The following CALN1 variants were observed in gnomAD, a reference collection of about 807,000 sequenced individuals.
CALN1 encodes calneuron 1.
CALN1 carries 17 observed loss-of-function variants against 30.6 expected under a neutral mutation model. The ratio of observed to expected loss-of-function variants is 0.56; its 90% CI spans 0.38 to 0.83. The LOEUF (loss-of-function observed/expected upper bound fraction) is 0.83, where lower values mean the gene tolerates loss of function less well. CALN1 is among the 40% of genes least tolerant of loss of function. CALN1 has a pLI of 0.00. For missense variants in CALN1, 291 were observed against 354.9 expected, an observed-to-expected ratio of 0.82 and a Z score of 1.45; for synonymous variants, 156 against 131.4, an observed-to-expected ratio of 1.19 and a Z score of -1.28.
intron 3 of CALN1, among the ~76,000 whole-genome samples, chr7:72,217,836 T>A: frequency 3.5e-5 from 2 of 57,620 alleles, no homozygotes; most frequent in South Asian, 7.6e-4. Flanking sequence ...AAATAAATTT[T>A]TTTTTTTTTT....
chr7:72,231,816 G>A (rs1397876064), intron 3 of CALN1, among the ~76,000 whole-genome samples: 1 of 152,170 alleles, frequency 6.6e-6, no homozygotes, highest in Admixed American at 6.5e-5. Context: ...GCTGTGGAAT[G>A]CCTGGGCTGT....
rs117669028 is a variant in CALN1, at chr7:71,943,051, T to C, written c.501+80606A>G. The stretch of plus-strand genomic sequence containing the variant: ...CCAATGTACTTCTTACATAAATTGA[T>C]TGGTGTCTCATGTCTCCCTAAATGG... On this transcript the variant is annotated intron_variant, in intron 5 of 6. Transcript: ENST00000395275. Among the ~76,000 whole-genome samples the C allele has an allele frequency of 3.9e-3, 599 of 152,328 alleles. 6 individuals carry two copies. Among genetic ancestry groups the C allele is most frequent in the East Asian group, 0.024 (124 of 5,182 alleles).
intron 3 of CALN1, among the ~76,000 whole-genome samples, chr7:72,115,979 G>T (rs1348870414): frequency 1.3e-5 from 2 of 151,904 alleles, no homozygotes; most frequent in East Asian, 3.9e-4. Context: ...TCCATCCATG[G>T]TCCTGCAAAT....
At chr7:72,146,313 G>A (rs201539616) in intron 3 of CALN1, among the ~76,000 whole-genome samples, 1 of 152,036 alleles carries the variant, frequency 6.6e-6, no homozygotes, top group African/African-American at 2.4e-5. Flanking sequence ...TCACAAGCAT[G>A]CTTATACACC....
At chr7:71,846,907 T>C (rs867348176) in intron 5 of CALN1, among the ~76,000 whole-genome samples, 147 of 146,590 alleles carry the variant, frequency 1.0e-3, no homozygotes, top group Admixed American at 3.0e-3. Flanking sequence ...ATATAATATA[T>C]ACATACATAT....
intron 3 of CALN1, among the ~76,000 whole-genome samples, chr7:72,119,935 T>C (rs1160316318): frequency 1.3e-5 from 2 of 152,154 alleles, no homozygotes; most frequent in East Asian, 1.9e-4. Flanking sequence ...TTTTCCAGAT[T>C]ACATGTAGTT....
intron 5 of CALN1, among the ~76,000 whole-genome samples, chr7:71,901,593 T>C (rs1161246986): frequency 6.6e-6 from 1 of 152,006 alleles, no homozygotes; most frequent in Non-Finnish European, 1.5e-5. Context: ...TGGAACAGAA[T>C]AGAGAACCTG....
chr7:72,283,512 G>A (rs1327102716), intron 2 of CALN1, among the ~76,000 whole-genome samples: 7 of 128,682 alleles, frequency 5.4e-5, no homozygotes, highest in Non-Finnish European at 1.6e-5. Context: ...TCCAGCCTGA[G>A]TGACAGAGCA....
chr7:72,378,115 C>A (rs1445345859), intron 2 of CALN1, among the ~76,000 whole-genome samples: 1 of 152,156 alleles, frequency 6.6e-6, no homozygotes, highest in Admixed American at 6.5e-5. Flanking sequence ...CAACTAACAA[C>A]CCCTGGTAGT....
Position 71,782,555 on chromosome 7 carries a change from C to A in CALN1, c.*5220G>T, listed in dbSNP as rs1792775887. 6.6e-6 allele frequency: 1 copy of A among 152,090 alleles called. No individual in the cohort carries two copies. Among genetic ancestry groups the A allele is most frequent in the Non-Finnish European group, 1.5e-5 (1 of 68,010 alleles). 9.4% of individuals were successfully genotyped at this position (152,090 alleles called of 1,614,324 possible). A position where few individuals can be genotyped will look rare whatever the true frequency, so the allele number is the denominator to read the frequency against. On this transcript the variant is annotated 3_prime_UTR_variant, in exon 7 of 7. Transcript: ENST00000395275. ...CGGACTAACATACACCTATTTATGG[C>A]AGGGCCAAAAAATTGAGGACAATCC...
In CALN1 at chr7:71,787,961, A is replaced by C. The variant is rs887641024; in HGVS notation, c.659-59T>G. The C allele has an allele frequency of 3.7e-6, 6 of 1,609,484 alleles. No individual in the cohort carries two copies. In the African/African-American group the frequency reaches 8.0e-5, roughly 21 times the overall value. On this transcript the variant is annotated intron_variant, in intron 6 of 6. Coordinates refer to ENST00000395275, the MANE Select transcript of CALN1 (RefSeq NM_031468.4). The stretch of plus-strand genomic sequence containing the variant: ...AAGAGGGGTTGGGAGAAGAGAGAAG[A>C]GAGAAATAACACAGTGAGATAGGTT...
intron 3 of CALN1, among the ~76,000 whole-genome samples, chr7:72,226,729 G>A (rs1436960675): frequency 6.6e-6 from 1 of 152,116 alleles, no homozygotes; most frequent in Non-Finnish European, 1.5e-5. Context: ...GGGAGCATTG[G>A]GTTCACATGG....
At chr7:72,246,567 G>C (rs888111084) in intron 3 of CALN1, among the ~76,000 whole-genome samples, 3 of 152,012 alleles carry the variant, frequency 2.0e-5, no homozygotes, top group African/African-American at 7.2e-5. Flanking sequence ...ATTCTCTTTC[G>C]AGAGAATGTT....
chr7:72,362,414 C>G lies in CALN1; in HGVS notation c.119+40837G>C, dbSNP rs961070316. Among the ~76,000 whole-genome samples the G allele has an allele frequency of 3.3e-5, 5 of 152,248 alleles. No homozygotes were observed. The East Asian group carries it at 9.7e-4, about 29-fold the overall frequency. On this transcript the variant is annotated intron_variant, in intron 2 of 6. Coordinates refer to ENST00000395275, the MANE Select transcript of CALN1 (RefSeq NM_031468.4). The stretch of plus-strand genomic sequence containing the variant: ...CAACAGAGCACTCTAAGTCTCCATC[C>G]TCTCTCTACCAGCTTCTCTGGTGGC...
At chr7:71,854,989 G>T (rs1790860083) in intron 5 of CALN1, among the ~76,000 whole-genome samples, 1 of 152,178 alleles carries the variant, frequency 6.6e-6, no homozygotes, top group African/African-American at 2.4e-5. Context: ...GCTATGAACT[G>T]TGAAAAGCTC....
At chr7:72,218,146 T>A (rs1248118368) in intron 3 of CALN1, among the ~76,000 whole-genome samples, 4 of 150,880 alleles carry the variant, frequency 2.7e-5, no homozygotes, top group Non-Finnish European at 5.9e-5. Context: ...TCCGCCAAAA[T>A]TTTTTTTAAA....
chr7:72,075,973 A>G (rs1318105198), intron 4 of CALN1, among the ~76,000 whole-genome samples: 4 of 152,136 alleles, frequency 2.6e-5, no homozygotes, highest in Admixed American at 1.3e-4. Flanking sequence ...AGGGGGTGTC[A>G]GGAGGAGAGG....
intron 4 of CALN1, among the ~76,000 whole-genome samples, chr7:72,041,591 C>G (rs1584806683): frequency 6.6e-6 from 1 of 152,016 alleles, no homozygotes; most frequent in Admixed American, 6.6e-5. Flanking sequence ...ATCATGTTGG[C>G]CAAGCTGGTC....
intron 3 of CALN1, among the ~76,000 whole-genome samples, chr7:72,273,218 G>C (rs1384131115): frequency 6.6e-6 from 1 of 152,102 alleles, no homozygotes; most frequent in African/African-American, 2.4e-5. Flanking sequence ...CAGATCACAA[G>C]GTCAGGAGTT....
Sources: allele counts gnomAD v4.1 joint callset (sites outside exome capture counted in the v4.1 genomes callset), GRCh38; gene constraint gnomAD v4.1.1; transcripts MANE v1.5; gene names NCBI Gene and HGNC (gene_info 2026-07-23, HGNC 2026-07-21).